Variants in KANK1 observed in about 807,000 individuals in gnomAD.
The protein encoded by KANK1 is KN motif and ankyrin repeat domain-containing protein 1.
KANK1 carries 109 observed loss-of-function variants against 106.2 expected under a neutral mutation model. The ratio of observed to expected loss-of-function variants is 1.03; its 90% CI spans 0.88 to 1.20. The LOEUF is 1.20. Among genes scored for constraint, KANK1 ranks in the 50% most tolerant of loss-of-function variants. The probability of loss-of-function intolerance (pLI) is 0.00; values close to 1 mark genes in which losing one functional copy is unlikely to be tolerated. For missense variants in KANK1, 2,399 were observed against 1,710.7 expected, an observed-to-expected ratio of 1.40 and a Z score of -7.10; for synonymous variants, 873 against 652.2, an observed-to-expected ratio of 1.34 and a Z score of -5.16.
Position 711,082 on chromosome 9 carries a change from T to C in KANK1, c.316T>C (p.Phe106Leu), listed in dbSNP as rs753778290. ...NSDDNKQCPN[F>L]LIARSQVTST... ...TGATGACAACAAGCAGTGCCCCAAC[T>C]TCCTCATAGCCAGAAGTCAAGTTAC... Residue 106 changes from phenylalanine to leucine, a missense_variant, in exon 3 of 12, where the codon TTC becomes CTC. Physicochemically the swap from Phe to Leu is conservative, Grantham distance 22. Coordinates refer to ENST00000382297, the MANE Select transcript of KANK1 (RefSeq NM_015158.5). The C allele has an allele frequency of 6.2e-7, 1 of 1,614,104 alleles. No individual in the cohort carries two copies. Among genetic ancestry groups the C allele is most frequent in the Non-Finnish European group, 8.5e-7 (1 of 1,180,020 alleles).
rs530150953 is a variant in KANK1, at chr9:481,175, C to T, written c.-362+7902C>T. ...GGAAGTGAAAAACAGAATGATTACA[C>T]GGTACTTGAAGTATAGTTTCTGCTG... On this transcript the variant is annotated intron_variant, in intron 3 of 15. Transcript: ENST00000382303. Among the ~76,000 whole-genome samples, 47 of 152,218 alleles carry T rather than the reference C, an allele frequency of 3.1e-4. No individual in the cohort carries two copies. In the Middle Eastern group the frequency reaches 0.01, roughly 33 times the overall value.
rs1268907516 is a variant in KANK1 at position 596,024 on chromosome 9, T to TA, written c.-83-80864dup. 2.6e-5 allele frequency among the ~76,000 whole-genome samples: 4 copies of TA among 151,854 alleles called. 1 individual carries two copies. The highest frequency in any genetic ancestry group is 4.9e-5 in the African/African-American group (2 of 41,136). ...CTTGGGGATGAGACACAAGTCTAAATAACAAGTTCGTTTATGTTTCATATA... is the reference window on the plus strand; with the variant it reads ...CTTGGGGATGAGACACAAGTCTAAATAAACAAGTTCGTTTATGTTTCATATA... On this transcript the variant is annotated intron_variant, in intron 1 of 11. Coordinates refer to ENST00000382297, the MANE Select transcript of KANK1 (RefSeq NM_015158.5).
At chr9:684,707 G>A (rs886425351) in intron 2 of KANK1, 2 of 386,896 alleles carry the variant, frequency 5.2e-6, no homozygotes, top group Non-Finnish European at 6.8e-6. Context: ...CTGTGTCTGG[G>A]ATAATTTCAG....
At chr9:583,784 G>T (rs989128947) in intron 1 of KANK1, among the ~76,000 whole-genome samples, 1 of 151,392 alleles carries the variant, frequency 6.6e-6, no homozygotes, top group African/African-American at 2.4e-5. Context: ...TATATGAAAA[G>T]GTATTCCAGA....
In KANK1 at chr9:710,916, T is replaced by C; in HGVS notation, c.150T>C (p.Asp50=). Reference sequence around the variant, plus strand: ...ACTTAGATTTCCTCAAATATGTGGATGACATACAGAAGGGAAATACCATCA... The same window carrying C: ...ACTTAGATTTCCTCAAATATGTGGACGACATACAGAAGGGAAATACCATCA... ...QLDLDFLKYV[D]DIQKGNTIKR... is the part of the protein sequence containing the mutation. The change falls in exon 3 of 12, where the codon GAT becomes GAC. Residue 50 remains aspartate (D), a synonymous_variant. Transcript: ENST00000382297. 1 of 1,614,120 alleles carries C rather than the reference T, an allele frequency of 6.2e-7. No homozygotes were observed. The highest frequency in any genetic ancestry group is 8.5e-7 in the Non-Finnish European group (1 of 1,180,016).
intron 1 of KANK1, among the ~76,000 whole-genome samples, chr9:564,922 A>G (rs1395826093): frequency 2.0e-5 from 3 of 152,248 alleles, no homozygotes; most frequent in Non-Finnish European, 2.9e-5. Flanking sequence ...GAAGTGGGAA[A>G]TGAAGACACT....
At chr9:623,318 G>A (rs145034783) in intron 1 of KANK1, among the ~76,000 whole-genome samples, 15 of 152,092 alleles carry the variant, frequency 9.9e-5, no homozygotes, top group African/African-American at 3.4e-4. Flanking sequence ...TGCCAGGTAC[G>A]GTGGCTCATG....
At chr9:676,168 G>A (rs577547275) in intron 1 of KANK1, among the ~76,000 whole-genome samples, 44 of 152,234 alleles carry the variant, frequency 2.9e-4, no homozygotes, top group African/African-American at 1.0e-3. Flanking sequence ...GTGCTGACCT[G>A]TCTCATCCTG....
chr9:601,005 CAGA>C (rs1827609425), intron 1 of KANK1, among the ~76,000 whole-genome samples: 1 of 151,598 alleles, frequency 6.6e-6, no homozygotes, highest in African/African-American at 2.4e-5. Context: ...TTAACTAAAG[CAGA>C]AGGAGGGAGA....
At chr9:603,429 C>A (rs534773696) in intron 1 of KANK1, among the ~76,000 whole-genome samples, 1 of 151,756 alleles carries the variant, frequency 6.6e-6, no homozygotes, top group African/African-American at 2.4e-5. Context: ...TCACTAAGAG[C>A]AGTTTGTGTG....
chr9:640,000 T>C (rs1323264), intron 1 of KANK1, among the ~76,000 whole-genome samples: 1,975 of 152,260 alleles, frequency 0.013, 42 homozygotes, highest in African/African-American at 0.045. Context: ...CCGTTGAAGG[T>C]TGGGTTTCAA....
chr9:604,196 G>C (rs1352614366), intron 1 of KANK1, among the ~76,000 whole-genome samples: 1 of 151,566 alleles, frequency 6.6e-6, no homozygotes, highest in African/African-American at 2.4e-5. Context: ...TCTCTTTCCT[G>C]GAGACGTGGT....
intron 3 of KANK1, among the ~76,000 whole-genome samples, chr9:721,311 T>C (rs1829261031): frequency 6.6e-6 from 1 of 152,162 alleles, no homozygotes; most frequent in African/African-American, 2.4e-5. Context: ...ACCTAATTTA[T>C]ATAGGTATCT....
chr9:522,266 C>G (rs1264792423), intron 1 of KANK1, among the ~76,000 whole-genome samples: 1 of 151,640 alleles, frequency 6.6e-6, no homozygotes, highest in Non-Finnish European at 1.5e-5. Context: ...ATAGTTACAT[C>G]TAGTTTTGAA....
At chr9:689,082 C>G (rs1484677475) in intron 2 of KANK1, among the ~76,000 whole-genome samples, 1 of 151,948 alleles carries the variant, frequency 6.6e-6, no homozygotes, top group African/African-American at 2.4e-5. Flanking sequence ...GTTCTGTGTC[C>G]CCCCAATTCA....
chr9:668,076 C>G (rs905622676), intron 1 of KANK1, among the ~76,000 whole-genome samples: 2 of 152,088 alleles, frequency 1.3e-5, no homozygotes, highest in African/African-American at 4.8e-5. Context: ...CCATTGTGGT[C>G]AGAAAGGATA....
At chr9:738,925 T>C (rs1834563775) in intron 8 of KANK1, among the ~76,000 whole-genome samples, 1 of 152,222 alleles carries the variant, frequency 6.6e-6, no homozygotes, top group Non-Finnish European at 1.5e-5. Context: ...CCTTACTCCA[T>C]GACTGCTGTC....
intron 3 of KANK1, among the ~76,000 whole-genome samples, chr9:722,230 A>C (rs1829516747): frequency 6.6e-6 from 1 of 152,192 alleles, no homozygotes; most frequent in African/African-American, 2.4e-5. Context: ...ACAAGGTTAG[A>C]ATTATGGACG....
intron 1 of KANK1, among the ~76,000 whole-genome samples, chr9:566,741 C>G (rs1224659914): frequency 1.3e-5 from 2 of 151,908 alleles, no homozygotes; most frequent in Admixed American, 1.3e-4. Flanking sequence ...CGTGTAGGTG[C>G]TGGATATTAG....
Sources: gnomAD v4.1 joint callset for allele counts (sites outside exome capture counted in the v4.1 genomes callset) on GRCh38, gnomAD v4.1.1 for gene constraint, MANE v1.5 for transcripts, NCBI Gene and HGNC (gene_info 2026-07-23, HGNC 2026-07-21) for gene names.